The following ZMYM5 variants were observed in gnomAD, a reference collection of about 807,000 sequenced individuals.
ZMYM5 encodes zinc finger MYM-type protein 5.
In ZMYM5, 41 loss-of-function variants were observed where a neutral mutation model predicts 61.8. The observed-to-expected ratio is 0.66, with a 90% CI of 0.52 to 0.86. The LOEUF (loss-of-function observed/expected upper bound fraction) is 0.86, where lower values mean the gene tolerates loss of function less well. Ranked by LOEUF, ZMYM5 falls within the 40% of genes least tolerant of loss-of-function variation. The probability of loss-of-function intolerance (pLI) is 0.00; values close to 1 mark genes in which losing one functional copy is unlikely to be tolerated. For synonymous variants in ZMYM5, 257 were observed against 276.4 expected (o/e 0.93, Z 0.70); for missense variants, 706 against 786.7 (o/e 0.90, Z 1.23).
At chr13:19,852,214 A>G in intron 2 of ZMYM5, 24 bp from the exon 3 acceptor site, 4 of 1,513,450 alleles carry the variant, frequency 2.6e-6, no homozygotes, top group Non-Finnish European at 3.5e-6. Flanking sequence ...AAAGAAAAAA[A>G]AAAGTTCTAG....
intron 4 of ZMYM5, among the ~76,000 whole-genome samples, chr13:19,844,690 C>T (rs558645998): frequency 8.9e-4 from 135 of 152,248 alleles, no homozygotes; most frequent in Non-Finnish European, 1.6e-3. Context: ...GGCGCAATAT[C>T]GGCTCACTGC....
chr13:19,844,516 A>G (rs913378004), intron 4 of ZMYM5, among the ~76,000 whole-genome samples: 6 of 152,212 alleles, frequency 3.9e-5, no homozygotes, highest in African/African-American at 1.4e-4. Context: ...AATTTCAAAT[A>G]TATTTGTCAA....
chr13:19,827,645 T>G (rs1372759212), intron 7 of ZMYM5, among the ~76,000 whole-genome samples: 2 of 152,108 alleles, frequency 1.3e-5, no homozygotes, highest in Admixed American at 1.3e-4. Context: ...TTACTACCAT[T>G]TACTGAAATA....
intron 3 of ZMYM5, 51 bp downstream of exon 3, chr13:19,851,638 T>C (rs1235255377): frequency 6.5e-7 from 1 of 1,548,378 alleles, no homozygotes. Context: ...TAATAATGTA[T>C]TTCAGAGTCA....
chr13:19,832,569 C>T (rs1277482793), intron 7 of ZMYM5, among the ~76,000 whole-genome samples: 6 of 151,986 alleles, frequency 3.9e-5, no homozygotes, highest in South Asian at 2.1e-4. Context: ...TCAAGTGATC[C>T]GCCCGCCTTG....
intron 4 of ZMYM5, among the ~76,000 whole-genome samples, chr13:19,840,935 C>A (rs918673071): frequency 1.3e-5 from 2 of 152,020 alleles, no homozygotes; most frequent in African/African-American, 4.8e-5. Context: ...CCTTGGCCCC[C>A]CAAAGTGCTG....
chr13:19,844,770 C>T (rs369980067), intron 4 of ZMYM5, among the ~76,000 whole-genome samples: 33 of 152,272 alleles, frequency 2.2e-4, no homozygotes, highest in East Asian at 9.7e-4. Flanking sequence ...TACAGGTGGC[C>T]GTCACCACGC....
intron 2 of ZMYM5, among the ~76,000 whole-genome samples, chr13:19,856,902 C>T (rs931801918): frequency 5.3e-4 from 81 of 151,958 alleles, no homozygotes; most frequent in Non-Finnish European, 4.3e-4. Flanking sequence ...GTCAGGAGAT[C>T]GAGACCAGCC....
rs756042699 is a variant in ZMYM5 at position 19,835,702 on chromosome 13, C to A, written c.1039-13G>T. On this transcript the variant is annotated splice_polypyrimidine_tract_variant and intron_variant, in intron 6 of 7. Transcript: ENST00000337963. The stretch of plus-strand genomic sequence containing the variant: ...CTTCATGGCGAATCTAAAAGAAAAA[C>A]CAGAATTCATTAACTAAGATATATG... The A allele has an allele frequency of 7.3e-7, 1 of 1,365,532 alleles. No individual in the cohort carries two copies. The highest frequency in any genetic ancestry group is 9.8e-7 in the Non-Finnish European group (1 of 1,020,524). 84.6% of individuals were successfully genotyped at this position (1,365,532 alleles called of 1,614,324 possible).
At chr13:19,829,069 A>C (rs1891070049) in intron 7 of ZMYM5, among the ~76,000 whole-genome samples, 1 of 152,042 alleles carries the variant, frequency 6.6e-6, no homozygotes. Context: ...GCCACTGCAC[A>C]GCAGCCTGGG....
intron 2 of ZMYM5, among the ~76,000 whole-genome samples, chr13:19,859,382 G>A (rs1358849748): frequency 1.3e-5 from 2 of 152,060 alleles, no homozygotes; most frequent in African/African-American, 4.8e-5. Context: ...TTGCTTTTTA[G>A]TTCCCGTTTT....
intron 2 of ZMYM5, among the ~76,000 whole-genome samples, chr13:19,859,415 G>GTTTT (rs1488976689): frequency 6.6e-6 from 1 of 151,800 alleles, no homozygotes; most frequent in African/African-American, 2.4e-5. Context: ...TTGTTTGTTT[G>GTTTT]TTTTTGAGAC....
chr13:19,826,711 G>A (rs1219016335), intron 7 of ZMYM5, among the ~76,000 whole-genome samples: 6 of 149,778 alleles, frequency 4.0e-5, no homozygotes, highest in African/African-American at 9.9e-5. Flanking sequence ...CCAAGATCTC[G>A]CCACTGCACT....
intron 3 of ZMYM5, 79 bp from the exon 4 acceptor site, chr13:19,851,527 C>G: frequency 1.3e-6 from 2 of 1,569,360 alleles, no homozygotes; most frequent in East Asian, 2.2e-5. Context: ...CGACATCTCC[C>G]AAGTTGGTAT....
intron 7 of ZMYM5, among the ~76,000 whole-genome samples, chr13:19,826,346 C>T (rs1449845080): frequency 1.3e-5 from 2 of 151,702 alleles, no homozygotes; most frequent in Non-Finnish European, 2.9e-5. Context: ...TGCGAGACTC[C>T]GTCTCAAAAA....
Position 19,862,377 on chromosome 13 carries a change from T to TA in ZMYM5, c.-11+21dup, listed in dbSNP as rs111844342. 884 of 138,696 alleles carry TA rather than the reference T, an allele frequency of 6.4e-3. 8 individuals carry two copies. The highest frequency in any genetic ancestry group is 0.021 in the East Asian group (100 of 4,700). The allele number at this position is 138,696 out of a possible 1,614,324, so 8.6% of individuals were successfully genotyped here. A position where few individuals can be genotyped will look rare whatever the true frequency, so the allele number is the denominator to read the frequency against. Reference sequence around the variant, plus strand: ...AATTATATTAGACAGCAAAGCGGGGTAAAAAAAAAAAAACAACTCACAATG... The same window carrying TA: ...AATTATATTAGACAGCAAAGCGGGGTAAAAAAAAAAAAAACAACTCACAATG... On this transcript the variant is annotated intron_variant, in intron 2 of 7. Transcript: ENST00000337963.
intron 4 of ZMYM5, among the ~76,000 whole-genome samples, chr13:19,843,162 G>A (rs1202021295): frequency 4.7e-5 from 7 of 148,746 alleles, no homozygotes; most frequent in Non-Finnish European, 7.4e-5. Flanking sequence ...GTCTCACTCC[G>A]TCACCGAGGC....
intron 4 of ZMYM5, among the ~76,000 whole-genome samples, chr13:19,846,009 C>G (rs1184924617): frequency 6.6e-6 from 1 of 152,162 alleles, no homozygotes; most frequent in African/African-American, 2.4e-5. Context: ...GGTGTTTAGA[C>G]TCCACTGTGA....
At chr13:19,849,195 G>A (rs562576767) in intron 4 of ZMYM5, among the ~76,000 whole-genome samples, 1 of 152,124 alleles carries the variant, frequency 6.6e-6, no homozygotes, top group Non-Finnish European at 1.5e-5. Flanking sequence ...TAGGATTAAA[G>A]CGCAATGTGA....
Sources: gnomAD v4.1 joint callset for allele counts (sites outside exome capture counted in the v4.1 genomes callset) on GRCh38, gnomAD v4.1.1 for gene constraint, MANE v1.5 for transcripts, NCBI Gene and HGNC (gene_info 2026-07-23, HGNC 2026-07-21) for gene names.